The following AMBP variants were observed in gnomAD, a reference collection of about 807,000 sequenced individuals.
AMBP encodes alpha-1-microglobulin/bikunin precursor, also known as protein AMBP.
AMBP carries 37 observed loss-of-function variants against 46.3 expected under a neutral mutation model. The ratio of observed to expected loss-of-function variants is 0.80; its 90% CI spans 0.61 to 1.05. The LOEUF (loss-of-function observed/expected upper bound fraction) is 1.05. Ranked by LOEUF, AMBP falls within the 50% of genes least tolerant of loss-of-function variation. The pLI is 0.00. For synonymous variants in AMBP, 174 were observed against 175.9 expected (o/e 0.99, Z 0.09); for missense variants, 475 against 461.2 (o/e 1.03, Z -0.27).
chr9:114,068,522 C>T (rs1564371837), intron 6 of AMBP, among the ~76,000 whole-genome samples: 1 of 151,934 alleles, frequency 6.6e-6, no homozygotes, highest in African/African-American at 2.4e-5. Flanking sequence ...AAGAGAATCA[C>T]TTGAACCCGG....
intron 6 of AMBP, among the ~76,000 whole-genome samples, chr9:114,069,157 C>T (rs1846720514): frequency 1.3e-5 from 2 of 151,560 alleles, no homozygotes; most frequent in Non-Finnish European, 2.9e-5. Flanking sequence ...TAATCAGAGA[C>T]AAGAGAATGA....
At chr9:114,074,916 C>A (rs1395356949) in intron 3 of AMBP, 44 bp downstream of exon 3, 4 of 1,566,294 alleles carry the variant, frequency 2.6e-6, no homozygotes, top group Non-Finnish European at 2.6e-6. Flanking sequence ...AAGGTATTTT[C>A]AAGCAAAGGA....
rs201023465 is a variant in AMBP at position 114,073,075 on chromosome 9, G to A, written c.455-49C>T. On this transcript the variant is annotated intron_variant, in intron 4 of 9. Transcript: ENST00000265132. Reference sequence around the variant, plus strand: ...CGCCTAGAACCACCAGGTGCTTGGAGTGGAAGGGCCTGAAATGATTTTGCC... The same window carrying A: ...CGCCTAGAACCACCAGGTGCTTGGAATGGAAGGGCCTGAAATGATTTTGCC... 195 of 1,530,330 alleles carry A rather than the reference G, an allele frequency of 1.3e-4. 1 individual carries two copies. In the African/African-American group the frequency reaches 2.3e-3, roughly 18 times the overall value. 94.8% of individuals were successfully genotyped at this position (1,530,330 alleles called of 1,614,324 possible). A position where few individuals can be genotyped will look rare whatever the true frequency, so the allele number is the denominator to read the frequency against.
intron 7 of AMBP, 23 bp downstream of exon 7, chr9:114,062,654 G>T: frequency 6.2e-7 from 1 of 1,611,390 alleles, no homozygotes; most frequent in Non-Finnish European, 8.5e-7. Context: ...GGCAGAGGGG[G>T]TGAAAAGGCA....
chr9:114,076,838 T>C (rs1000906762), intron 1 of AMBP, 98 bp from the exon 2 acceptor site: 20 of 1,380,710 alleles, frequency 1.4e-5, no homozygotes, highest in Non-Finnish European at 1.7e-5. Flanking sequence ...CTCCTCTTCC[T>C]CCTCCTTCTC....
intron 3 of AMBP, among the ~76,000 whole-genome samples, chr9:114,074,459 C>G (rs1846783146): frequency 6.6e-6 from 1 of 152,196 alleles, no homozygotes; most frequent in Non-Finnish European, 1.5e-5. Flanking sequence ...GTAACTGACT[C>G]TTTGACTCAT....
chr9:114,065,263 G>T (rs1318249028), intron 6 of AMBP, among the ~76,000 whole-genome samples: 1 of 152,166 alleles, frequency 6.6e-6, no homozygotes, highest in Admixed American at 6.5e-5. Context: ...ATTAAGATGA[G>T]GTTATTAGGG....
intron 2 of AMBP, among the ~76,000 whole-genome samples, chr9:114,075,989 G>A (rs935794490): frequency 6.6e-6 from 1 of 152,148 alleles, no homozygotes; most frequent in African/African-American, 2.4e-5. Flanking sequence ...AGGAGTTCTG[G>A]GTGCTGGGAG....
At chr9:114,069,969 A>G (rs1198133633) in intron 5 of AMBP, 2 of 563,480 alleles carry the variant, frequency 3.5e-6, no homozygotes, top group Admixed American at 3.1e-5. Flanking sequence ...ACCCCACCCC[A>G]CTAGCATCAT....
At position 114,060,949 on chromosome 9, in the gene AMBP, C is replaced by T. The variant is rs1846629003; in HGVS notation, c.1003G>A (p.Glu335Lys). Residue 335 changes from glutamate (E) to lysine (K), a missense_variant, in exon 9 of 10, where the codon GAG (glutamate) becomes AAG (lysine). Glu to Lys is a moderately conservative substitution (Grantham distance 56). Around this residue, in one of 3 missense-constraint regions of AMBP, gnomAD observed 293 missense variants for 276.9 expected, o/e 1.06. Transcript: ENST00000265132. Reference sequence around the variant, plus strand: ...CCATCACCAGGGACACCGCAGTACTCTCTGCACTCCTTCTCTGAGTAGAAC... The same window carrying T: ...CCATCACCAGGGACACCGCAGTACTTTCTGCACTCCTTCTCTGAGTAGAAC... ...NKFYSEKECR[E>K]YCGVPGDGDE... The T allele has an allele frequency of 6.2e-7, 1 of 1,614,196 alleles. No individual in the cohort carries two copies. Among genetic ancestry groups the T allele is most frequent in the Non-Finnish European group, 8.5e-7 (1 of 1,180,004 alleles).
chr9:114,071,685 C>A (rs1210494636), intron 5 of AMBP, among the ~76,000 whole-genome samples: 2 of 152,226 alleles, frequency 1.3e-5, no homozygotes, highest in African/African-American at 4.8e-5. Flanking sequence ...ATGGGCCAGT[C>A]AGTACAAACT....
chr9:114,070,279 C>G (rs570765813), intron 5 of AMBP, among the ~76,000 whole-genome samples: 34 of 152,300 alleles, frequency 2.2e-4, no homozygotes, highest in African/African-American at 8.2e-4. Context: ...GCAGTGACTG[C>G]GGAAGTGGCA....
intron 6 of AMBP, among the ~76,000 whole-genome samples, chr9:114,063,513 T>C (rs2134846204): frequency 6.6e-6 from 1 of 152,302 alleles, no homozygotes; most frequent in Middle Eastern, 3.4e-3. Flanking sequence ...CTTTCCTTGA[T>C]GAGGATAGAG....
chr9:114,070,910 G>A (rs1327736708), intron 5 of AMBP, among the ~76,000 whole-genome samples: 1 of 152,168 alleles, frequency 6.6e-6, no homozygotes, highest in African/African-American at 2.4e-5. Flanking sequence ...AGCACCCCTT[G>A]GGCAGGGCTG....
intron 3 of AMBP, among the ~76,000 whole-genome samples, chr9:114,074,639 T>C (rs895872949): frequency 6.6e-6 from 1 of 151,802 alleles, no homozygotes; most frequent in Admixed American, 6.6e-5. Flanking sequence ...TCACTTAGCA[T>C]CATGCACACT....
At chr9:114,077,734 G>A (rs924160287) in intron 1 of AMBP, 7 of 231,098 alleles carry the variant, frequency 3.0e-5, no homozygotes, top group Non-Finnish European at 6.1e-5. Context: ...AGAGAGAGGG[G>A]AGTCATTAGA....
At chr9:114,064,917 T>G (rs1214566422) in intron 6 of AMBP, among the ~76,000 whole-genome samples, 2 of 152,250 alleles carry the variant, frequency 1.3e-5, no homozygotes, top group African/African-American at 4.8e-5. Context: ...CCCATCCCTT[T>G]CCTTTCCTGA....
At chr9:114,061,671 T>G in intron 7 of AMBP, 80 bp from the exon 8 acceptor site, 1 of 1,416,276 alleles carries the variant, frequency 7.1e-7, no homozygotes, top group South Asian at 1.4e-5. Flanking sequence ...ATATGCGCCA[T>G]CTCATTTAAT....
intron 5 of AMBP, 47 bp downstream of exon 5, chr9:114,072,878 A>G (rs201433912): frequency 1.9e-6 from 3 of 1,572,730 alleles, no homozygotes; most frequent in Admixed American, 1.7e-5. Flanking sequence ...GGCGCCCACA[A>G]GGGACGAAGA....
Sources: allele counts gnomAD v4.1 joint callset (sites outside exome capture counted in the v4.1 genomes callset), GRCh38; gene constraint gnomAD v4.1.1; regional missense constraint gnomAD v4.1.1; transcripts MANE v1.5; gene names NCBI Gene and HGNC (gene_info 2026-07-23, HGNC 2026-07-21).